NPTX1: variants seen among roughly 807,000 people sequenced by gnomAD.
NPTX1 encodes the protein neuronal pentraxin 1, also known as neuronal pentraxin-1.
A neutral mutation model predicts 38.7 loss-of-function variants in NPTX1; 12 were observed. The observed-to-expected ratio is 0.31, with a 90% CI of 0.20 to 0.50. NPTX1 has a LOEUF of 0.50. Among genes scored for constraint, NPTX1 ranks in the 20% least tolerant of loss-of-function variants. The probability of loss-of-function intolerance (pLI) is 0.98; values close to 1 mark genes in which losing one functional copy is unlikely to be tolerated. For missense variants in NPTX1, 454 were observed against 592.2 expected (o/e 0.77, Z 2.42); for synonymous variants, 272 against 264.9 (o/e 1.03, Z -0.26).
intron 3 of NPTX1, among the ~76,000 whole-genome samples, chr17:80,472,248 TG>T (rs953127797): frequency 6.6e-6 from 1 of 152,182 alleles, no homozygotes; most frequent in African/African-American, 2.4e-5. Flanking sequence ...CCCTGGTGTC[TG>T]AGTTCACTGC....
chr17:80,475,308 G>C lies in NPTX1; in HGVS notation c.652+203C>G, dbSNP rs1172042570. 6.6e-6 allele frequency among the ~76,000 whole-genome samples: 1 copy of C among 152,234 alleles called. No individual in the cohort carries two copies. The highest frequency in any genetic ancestry group is 1.5e-5 in the Non-Finnish European group (1 of 68,044). ...TTCCCAGAGACAGCCCCAGCCCAAGGCACCCAGCCCTGATAGAAACACCGA... is the reference window on the plus strand; with the variant it reads ...TTCCCAGAGACAGCCCCAGCCCAAGCCACCCAGCCCTGATAGAAACACCGA... On this transcript the variant is annotated intron_variant, in intron 2 of 4. Transcript: ENST00000306773. The surrounding 1 kb of genome is among the most constrained non-coding windows in gnomAD (Gnocchi z 6.5).
chr17:80,472,245 G>A (rs2083846447), intron 3 of NPTX1, among the ~76,000 whole-genome samples: 1 of 152,210 alleles, frequency 6.6e-6, no homozygotes, highest in Non-Finnish European at 1.5e-5. Flanking sequence ...CGTCCCTGGT[G>A]TCTGAGTTCA....
intron 3 of NPTX1, 48 bp downstream of exon 3, chr17:80,473,152 G>A (rs2083851983): frequency 3.1e-6 from 5 of 1,591,420 alleles, no homozygotes; most frequent in Non-Finnish European, 1.7e-6. Flanking sequence ...ATGAGCTGGG[G>A]CCCTGGGGCC....
At chr17:80,474,800 A>AAC (rs2083867356) in intron 2 of NPTX1, 3 of 114,704 alleles carry the variant, frequency 2.6e-5, no homozygotes, top group Non-Finnish European at 5.9e-5. Flanking sequence ...CGCACCGGGC[A>AAC]CCCCCCCCCC....
At position 80,473,494 on chromosome 17, in the gene NPTX1, G is replaced by A. The variant is rs1599507095; in HGVS notation, c.653-50C>T. On this transcript the variant is annotated intron_variant, in intron 2 of 4. Coordinates refer to ENST00000306773, the MANE Select transcript of NPTX1 (RefSeq NM_002522.4). The stretch of plus-strand genomic sequence containing the variant: ...CTGCACCTGCGTGAAGTGCTTATCG[G>A]TGTCTGAGTTGAGTTCGGTCCCCAC... 5 of 1,596,248 alleles carry A rather than the reference G, an allele frequency of 3.1e-6. 1 individual carries two copies. Among genetic ancestry groups the A allele is most frequent in the East Asian group, 4.5e-5 (2 of 44,724 alleles).
chr17:80,471,845 G>C lies in NPTX1; in HGVS notation c.964C>G (p.Arg322Gly). The change falls in exon 4 of 5, where the codon CGG (arginine) becomes GGG (glycine). Residue 322 changes from arginine to glycine, a missense_variant. By Grantham distance (125) the Arg-to-Gly change is moderately radical. Transcript: ENST00000306773. ...WHHICVTWTT[R>G]DGVWEAYQDG... is the part of the protein sequence containing the mutation. ...TGGTAGGCCTCCCAGACCCCGTCCCGGGTGGTCCAGGTGACACAGATGTGG... is the reference window on the plus strand; with the variant it reads ...TGGTAGGCCTCCCAGACCCCGTCCCCGGTGGTCCAGGTGACACAGATGTGG... 6.2e-7 allele frequency: 1 copy of C among 1,613,670 alleles called. No homozygotes were observed. Among genetic ancestry groups the C allele is most frequent in the Non-Finnish European group, 8.5e-7 (1 of 1,180,034 alleles).
intron 2 of NPTX1, chr17:80,474,320 TCCAGGCAAAACATTCCTGG>T (rs1479608695): frequency 3.3e-5 from 5 of 152,144 alleles, no homozygotes; most frequent in Non-Finnish European, 7.3e-5. Flanking sequence ...TGTGACTGAC[TCCAGGCAAAACATTCCTGG>T]CCAGCAATGG....
Position 80,471,845 on chromosome 17 carries a change from G to A in NPTX1, c.964C>T (p.Arg322Trp), listed in dbSNP as rs775122573. The stretch of plus-strand genomic sequence containing the variant: ...TGGTAGGCCTCCCAGACCCCGTCCC[G>A]GGTGGTCCAGGTGACACAGATGTGG... ...WHHICVTWTT[R>W]DGVWEAYQDG... The change falls in exon 4 of 5, where the codon CGG (arginine) becomes TGG (tryptophan). Residue 322 changes from arginine (R) to tryptophan (W), a missense_variant. Coordinates refer to ENST00000306773, the MANE Select transcript of NPTX1 (RefSeq NM_002522.4). 1.2e-6 allele frequency: 2 copies of A among 1,613,670 alleles called. No homozygotes were observed. The highest frequency in any genetic ancestry group is 1.1e-5 in the South Asian group (1 of 91,090).
rs2083831028 is a variant in NPTX1, at chr17:80,470,138, A to G, written c.*675T>C. 1 of 152,246 alleles carries G rather than the reference A, an allele frequency of 6.6e-6. No individual in the cohort carries two copies. Among genetic ancestry groups the G allele is most frequent in the Non-Finnish European group, 1.5e-5 (1 of 68,062 alleles). 9.4% of individuals were successfully genotyped at this position (152,246 alleles called of 1,614,324 possible). ...TGTCCTCAGCCATCCCCTCTCCTCC[A>G]CGGGAGAGCACAGGGTACCATCCCA... On this transcript the variant is annotated 3_prime_UTR_variant, in exon 5 of 5. Coordinates refer to ENST00000306773, the MANE Select transcript of NPTX1 (RefSeq NM_002522.4).
In NPTX1 at chr17:80,475,434, C is replaced by T; in HGVS notation, c.652+77G>A. ...GAGGCTTGCACAGTGCAGAGCTGGG[C>T]TGTTAGGGATCGGGACCGAGGCAGG... is the stretch of plus-strand genomic sequence containing the variant. On this transcript the variant is annotated intron_variant, in intron 2 of 4. Transcript: ENST00000306773. The surrounding 1 kb of genome is among the most constrained non-coding windows in gnomAD (Gnocchi z 6.5). 1 of 1,205,390 alleles carries T rather than the reference C, an allele frequency of 8.3e-7. No individual in the cohort carries two copies. The highest frequency in any genetic ancestry group is 1.4e-5 in the South Asian group (1 of 72,558). 74.7% of individuals were successfully genotyped at this position (1,205,390 alleles called of 1,614,324 possible).
chr17:80,470,732 G>A lies in NPTX1; in HGVS notation c.*81C>T, dbSNP rs1334113555. Reference sequence around the variant, plus strand: ...GCCTCGGTTCATTCCTGGGGAAAAGGGAGAGAAGAGACGCACAAAACAGAT... The same window carrying A: ...GCCTCGGTTCATTCCTGGGGAAAAGAGAGAGAAGAGACGCACAAAACAGAT... On this transcript the variant is annotated 3_prime_UTR_variant, in exon 5 of 5. Coordinates refer to ENST00000306773, the MANE Select transcript of NPTX1 (RefSeq NM_002522.4). 1.0e-5 allele frequency: 10 copies of A among 999,508 alleles called. No homozygotes were observed. Among genetic ancestry groups the A allele is most frequent in the Non-Finnish European group, 1.5e-5 (10 of 670,040 alleles). The allele number at this position is 999,508 out of a possible 1,614,324, so 61.9% of individuals were successfully genotyped here.
chr17:80,474,913 T>G (rs963899448), intron 2 of NPTX1, among the ~76,000 whole-genome samples: 7 of 151,628 alleles, frequency 4.6e-5, no homozygotes, highest in Non-Finnish European at 8.8e-5. Context: ...AGTTGGTGAC[T>G]GAGAAACCTC....
rs2083835701 is a variant in NPTX1 at position 80,470,687 on chromosome 17, G to T, written c.*126C>A. 1.5e-6 allele frequency: 1 copy of T among 659,396 alleles called. No individual in the cohort carries two copies. Among genetic ancestry groups the T allele is most frequent in the African/African-American group, 1.8e-5 (1 of 55,596 alleles). 40.8% of individuals were successfully genotyped at this position (659,396 alleles called of 1,614,324 possible). On this transcript the variant is annotated 3_prime_UTR_variant, in exon 5 of 5. Coordinates refer to ENST00000306773, the MANE Select transcript of NPTX1 (RefSeq NM_002522.4). ...GAGGACAAAACCAGGCTGTGTGCGT[G>T]TGCGTGTGCAGGGGCGACGGCCTCG... is the stretch of plus-strand genomic sequence containing the variant.
At chr17:80,472,324 T>A (rs2083846927) in intron 3 of NPTX1, among the ~76,000 whole-genome samples, 1 of 151,770 alleles carries the variant, frequency 6.6e-6, no homozygotes, top group Admixed American at 6.6e-5. Flanking sequence ...TCTCTTCCGA[T>A]GTCCCATCTC....
chr17:80,470,925 G>T lies in NPTX1; in HGVS notation c.1187C>A (p.Thr396Asn), dbSNP rs562986613. 1 of 1,613,654 alleles carries T rather than the reference G, an allele frequency of 6.2e-7. No homozygotes were observed. Among genetic ancestry groups the T allele is most frequent in the Non-Finnish European group, 8.5e-7 (1 of 1,179,766 alleles). Residue 396 changes from threonine to asparagine, a missense_variant, in exon 5 of 5, where the codon ACC (threonine) becomes AAC (asparagine). Physicochemically the swap from Thr to Asn is moderately conservative, Grantham distance 65 (BLOSUM62 0). Transcript: ENST00000306773. Reference protein sequence around the residue: ...LTPGEVYNLATCSTKALSGNV... With the variant: ...LTPGEVYNLANCSTKALSGNV... ...GCCGGACAGAGCCTTGGTGCTGCAG[G>T]TGGCCAGGTTGTACACCTCCCCGGG...
chr17:80,474,995 G>C (rs2083870157), intron 2 of NPTX1, among the ~76,000 whole-genome samples: 1 of 152,200 alleles, frequency 6.6e-6, no homozygotes, highest in Non-Finnish European at 1.5e-5. Context: ...CAGGACAGAA[G>C]TGGGGAGGAG....
At chr17:80,471,699 C>T (rs1346078305) in intron 4 of NPTX1, 33 bp downstream of exon 4, 1 of 1,585,558 alleles carries the variant, frequency 6.3e-7, no homozygotes, top group East Asian at 2.3e-5. Context: ...TTCTGAAGCT[C>T]TCTCCCCTTC....
chr17:80,472,804 C>A (rs1186130361), intron 3 of NPTX1, among the ~76,000 whole-genome samples: 1 of 152,164 alleles, frequency 6.6e-6, no homozygotes, highest in Non-Finnish European at 1.5e-5. Context: ...TAGACTTGGA[C>A]TCAGGAAAAA....
chr17:80,471,780 G>A lies in NPTX1; in HGVS notation c.1029C>T (p.Pro343=), dbSNP rs752003688. The change falls in exon 4 of 5, where the codon CCC becomes CCT. Residue 343 remains proline (P), a synonymous_variant. Coordinates refer to ENST00000306773, the MANE Select transcript of NPTX1 (RefSeq NM_002522.4). ...TQGGSGENLA[P]YHPIKPQGVL... ...CGCCCTGGGGCTTGATGGGGTGATA[G>A]GGCGCCAAGTTCTCGCCACTGCCAC... 25 of 1,613,104 alleles carry A rather than the reference G, an allele frequency of 1.5e-5. No homozygotes were observed. The highest frequency in any genetic ancestry group is 5.0e-5 in the Admixed American group (3 of 60,002).
Sources: allele counts gnomAD v4.1 joint callset (sites outside exome capture counted in the v4.1 genomes callset), GRCh38; gene constraint gnomAD v4.1.1; non-coding constraint Gnocchi (gnomAD v3.1); transcripts MANE v1.5; gene names NCBI Gene and HGNC (gene_info 2026-07-23, HGNC 2026-07-21).